FAM135B: variants seen among roughly 807,000 people sequenced by gnomAD.
The protein encoded by FAM135B is family with sequence similarity 135 member B.
In FAM135B, 43 loss-of-function variants were observed where a neutral mutation model predicts 127.7. That is an observed-to-expected ratio of 0.34 (90% CI 0.26 to 0.43). The LOEUF is 0.43. Ranked by LOEUF, FAM135B falls within the 20% of genes least tolerant of loss-of-function variation. The pLI, the probability that FAM135B is intolerant of heterozygous loss-of-function variation, is 1.00. For synonymous variants in FAM135B, 670 were observed against 665.1 expected (o/e 1.01, Z -0.11); for missense variants, 1,558 against 1,725.6 (o/e 0.90, Z 1.72).
In FAM135B at chr8:138,426,314, G is replaced by C. The variant is rs150471997; in HGVS notation, c.-19-58312C>G. ...AGAATGGCTAAGCTAAAATATAAAA[G>C]CAGAGATTACCAAGTGTGGATGTGG... On this transcript the variant is annotated intron_variant, in intron 1 of 19. Transcript: ENST00000395297. Among the ~76,000 whole-genome samples, 14 of 151,292 alleles carry C rather than the reference G, an allele frequency of 9.3e-5. No individual in the cohort carries two copies. The East Asian group carries it at 2.7e-3, about 30-fold the overall frequency.
At position 138,336,875 on chromosome 8, in the gene FAM135B, C is replaced by A. The variant is rs1030004847; in HGVS notation, c.78-25955G>T. ...AATCCTCAATAAAATACTGGCAAAC[C>A]GAATCCAGCAGCACATCAAAAAGCT... On this transcript the variant is annotated intron_variant, in intron 2 of 19. Transcript: ENST00000395297. Among the ~76,000 whole-genome samples, 31 of 152,140 alleles carry A rather than the reference C, an allele frequency of 2.0e-4. 1 individual carries two copies. Among genetic ancestry groups the A allele is most frequent in the South Asian group, 1.7e-3 (8 of 4,820 alleles).
intron 1 of FAM135B, among the ~76,000 whole-genome samples, chr8:138,468,042 G>A (rs915342804): frequency 4.6e-5 from 7 of 152,080 alleles, no homozygotes; most frequent in East Asian, 3.9e-4. Flanking sequence ...GCATTCATGC[G>A]CTGATAAAGA....
Position 138,415,464 on chromosome 8 carries a change from G to C in FAM135B, c.-19-47462C>G, listed in dbSNP as rs557083118. 3.3e-5 allele frequency among the ~76,000 whole-genome samples: 5 copies of C among 152,284 alleles called. No homozygotes were observed. In the East Asian group the frequency reaches 9.6e-4, roughly 29 times the overall value. ...GATTTAATCATAGAGTCTTTGCCCA[G>C]TATGGAACTTTCCAGGCCAGCTCTC... On this transcript the variant is annotated intron_variant, in intron 1 of 19. Transcript: ENST00000395297.
intron 1 of FAM135B, among the ~76,000 whole-genome samples, chr8:138,375,243 T>C (rs1171607296): frequency 8.1e-6 from 1 of 123,236 alleles, no homozygotes; most frequent in Non-Finnish European, 1.7e-5. Flanking sequence ...TGAGAAGAAA[T>C]ATGAGCTGAT....
intron 1 of FAM135B, among the ~76,000 whole-genome samples, chr8:138,468,299 A>G (rs956893426): frequency 3.3e-5 from 5 of 152,188 alleles, no homozygotes; most frequent in South Asian, 2.1e-4. Flanking sequence ...TTTTATTTAC[A>G]TGGGTGTCAG....
intron 1 of FAM135B, among the ~76,000 whole-genome samples, chr8:138,434,948 C>A (rs1296566188): frequency 6.6e-6 from 1 of 152,168 alleles, no homozygotes; most frequent in African/African-American, 2.4e-5. Flanking sequence ...ATACAAGTTT[C>A]CTCTGGCACA....
At chr8:138,230,114 C>T (rs1003930470) in intron 7 of FAM135B, among the ~76,000 whole-genome samples, 19 of 152,208 alleles carry the variant, frequency 1.2e-4, no homozygotes, top group Non-Finnish European at 7.3e-5. Flanking sequence ...CCCAAACTAA[C>T]TACAAGAAAG....
intron 1 of FAM135B, among the ~76,000 whole-genome samples, chr8:138,465,020 G>T (rs1837313183): frequency 6.6e-6 from 1 of 152,346 alleles, no homozygotes; most frequent in Non-Finnish European, 1.5e-5. Flanking sequence ...TGGAATCACA[G>T]ACTTGAGGGC....
intron 1 of FAM135B, among the ~76,000 whole-genome samples, chr8:138,417,620 G>A (rs560922696): frequency 1.3e-5 from 2 of 152,182 alleles, no homozygotes; most frequent in Non-Finnish European, 2.9e-5. Context: ...CAACACAGCA[G>A]GTGCTTAACC....
intron 2 of FAM135B, among the ~76,000 whole-genome samples, chr8:138,360,324 T>C (rs1464723953): frequency 6.6e-6 from 1 of 152,232 alleles, no homozygotes; most frequent in East Asian, 1.9e-4. Context: ...CAAATATCTA[T>C]GTAATGAGTT....
At chr8:138,214,030 C>T (rs889260496) in intron 7 of FAM135B, among the ~76,000 whole-genome samples, 1 of 152,108 alleles carries the variant, frequency 6.6e-6, no homozygotes, top group Non-Finnish European at 1.5e-5. Context: ...CCTAATTTCT[C>T]CAAATCCAGC....
chr8:138,218,282 G>A (rs1278114981), intron 7 of FAM135B, among the ~76,000 whole-genome samples: 1 of 152,076 alleles, frequency 6.6e-6, no homozygotes, highest in African/African-American at 2.4e-5. Context: ...AATAAAAGCA[G>A]GAGAAGGAAA....
intron 7 of FAM135B, among the ~76,000 whole-genome samples, chr8:138,240,433 G>A (rs1189207709): frequency 6.6e-6 from 1 of 152,220 alleles, no homozygotes; most frequent in Admixed American, 6.5e-5. Context: ...CTCCACAGCT[G>A]CCTCCCATTT....
intron 2 of FAM135B, among the ~76,000 whole-genome samples, chr8:138,332,276 G>C (rs1421882084): frequency 2.0e-5 from 3 of 152,134 alleles, no homozygotes; most frequent in Admixed American, 6.5e-5. Flanking sequence ...CATGGCCCAT[G>C]ATGATCTCTG....
intron 9 of FAM135B, among the ~76,000 whole-genome samples, chr8:138,181,145 G>A (rs571843123): frequency 2.0e-5 from 3 of 152,232 alleles, no homozygotes; most frequent in African/African-American, 7.2e-5. Context: ...GGAGGCTGAG[G>A]CAGGAGAATT....
chr8:138,174,526 C>T (rs16908436), intron 11 of FAM135B, among the ~76,000 whole-genome samples: 1 of 152,140 alleles, frequency 6.6e-6, no homozygotes, highest in African/African-American at 2.4e-5. Flanking sequence ...GAAATTCTCC[C>T]TCTGTTTTAC....
chr8:138,345,554 G>A (rs1362208687), intron 2 of FAM135B, among the ~76,000 whole-genome samples: 1 of 123,276 alleles, frequency 8.1e-6, no homozygotes, highest in Non-Finnish European at 1.7e-5. Context: ...TTTTGCCAGT[G>A]TGGTACCCCA....
intron 1 of FAM135B, among the ~76,000 whole-genome samples, chr8:138,384,213 G>A (rs1312670806): frequency 6.6e-6 from 1 of 152,168 alleles, no homozygotes; most frequent in African/African-American, 2.4e-5. Context: ...CTTGATGTCT[G>A]ACTGTTGCAA....
In FAM135B at chr8:138,470,508, T is replaced by C. The variant is rs190826862; in HGVS notation, c.-20+26163A>G. ...ATCAAATATAATTAGATTGAATTTG[T>C]TTTTTAACTTGTGATGTGTCTGGAA... On this transcript the variant is annotated intron_variant, in intron 1 of 19. Coordinates refer to ENST00000395297, the MANE Select transcript of FAM135B (RefSeq NM_015912.4). 3.9e-4 allele frequency among the ~76,000 whole-genome samples: 59 copies of C among 152,342 alleles called. 1 individual carries two copies. The highest frequency in any genetic ancestry group is 1.2e-3 in the African/African-American group (50 of 41,580).
Sources: gnomAD v4.1 joint callset for allele counts (sites outside exome capture counted in the v4.1 genomes callset) on GRCh38, gnomAD v4.1.1 for gene constraint, MANE v1.5 for transcripts, NCBI Gene and HGNC (gene_info 2026-07-23, HGNC 2026-07-21) for gene names.